CSTPP1: variants seen among roughly 807,000 people sequenced by gnomAD.
CSTPP1 encodes centriolar satellite-associated tubulin polyglutamylase complex regulator 1.
At chr11:47,018,460 A>G in the CSTPP1 span, among the ~76,000 whole-genome samples, 88 of 151,912 alleles carry the variant, frequency 5.8e-4, no homozygotes, top group African/African-American at 2.1e-3. Flanking sequence ...GCGCCTGGCT[A>G]ATTTTTGTAG....
the CSTPP1 span, chr11:47,162,058 C>T: frequency 3.0e-6 from 3 of 990,176 alleles, no homozygotes; most frequent in Non-Finnish European, 3.6e-6. Flanking sequence ...TCAAGGGTGA[C>T]ACCTGCGACG....
At chr11:46,947,928 C>G in the CSTPP1 span, 2 of 328,000 alleles carry the variant, frequency 6.1e-6, no homozygotes, top group Non-Finnish European at 1.2e-5. Flanking sequence ...CCCATTGCCA[C>G]TTTTTTTTTT....
the CSTPP1 span, among the ~76,000 whole-genome samples, chr11:47,145,895 C>T: frequency 1.8e-4 from 27 of 146,248 alleles, no homozygotes; most frequent in Admixed American, 7.3e-4. Flanking sequence ...CTCAGCTTTC[C>T]GTAAATTATT....
chr11:46,958,938 A>G, the CSTPP1 span, among the ~76,000 whole-genome samples: 1 of 152,144 alleles, frequency 6.6e-6, no homozygotes, highest in African/African-American at 2.4e-5. Flanking sequence ...GTGAAGGTGA[A>G]TCTTCTTTAT....
chr11:47,120,099 G>A, the CSTPP1 span, among the ~76,000 whole-genome samples: 1 of 152,150 alleles, frequency 6.6e-6, no homozygotes, highest in Non-Finnish European at 1.5e-5. The surrounding 1 kb of genome is among the most constrained non-coding windows in gnomAD (Gnocchi z 4.2). Flanking sequence ...TTAATTAAAT[G>A]TGGATTCTCA....
At chr11:47,105,241 T>C in the CSTPP1 span, among the ~76,000 whole-genome samples, 2 of 152,142 alleles carry the variant, frequency 1.3e-5, no homozygotes, top group Admixed American at 6.5e-5. Context: ...ATGCCTGTAA[T>C]CCCTACACTT....
chr11:47,003,531 C>T, the CSTPP1 span, among the ~76,000 whole-genome samples: 1 of 152,180 alleles, frequency 6.6e-6, no homozygotes, highest in Non-Finnish European at 1.5e-5. Flanking sequence ...TCATTATAGT[C>T]AGTGACTTCT....
chr11:47,054,902 A>G, the CSTPP1 span, among the ~76,000 whole-genome samples: 2 of 150,626 alleles, frequency 1.3e-5, no homozygotes, highest in Admixed American at 6.6e-5. Flanking sequence ...AAAAGCCTTC[A>G]AGTAATAGCC....
chr11:47,161,376 T>G, the CSTPP1 span: 2 of 1,592,892 alleles, frequency 1.3e-6, no homozygotes, highest in South Asian at 1.1e-5. Flanking sequence ...AGCCCAGGGG[T>G]TTACCCTAGT....
the CSTPP1 span, among the ~76,000 whole-genome samples, chr11:46,962,006 G>A: frequency 1.3e-5 from 2 of 152,300 alleles, no homozygotes; most frequent in South Asian, 4.1e-4. Flanking sequence ...TCACATGATA[G>A]GAGCAAGGAG....
the CSTPP1 span, among the ~76,000 whole-genome samples, chr11:47,086,270 G>A: frequency 2.7e-5 from 4 of 147,526 alleles, no homozygotes; most frequent in Non-Finnish European, 6.0e-5. Flanking sequence ...GCTGGCTGTG[G>A]TAGTACATAC....
At chr11:47,128,527 G>A in the CSTPP1 span, among the ~76,000 whole-genome samples, 4 of 151,940 alleles carry the variant, frequency 2.6e-5, no homozygotes, top group Non-Finnish European at 5.9e-5. Flanking sequence ...GACTACAGGC[G>A]TGTGCCACCA....
the CSTPP1 span, among the ~76,000 whole-genome samples, chr11:47,004,176 T>A: frequency 6.6e-6 from 1 of 151,534 alleles, no homozygotes; most frequent in Non-Finnish European, 1.5e-5. Flanking sequence ...GTTTTTGTTT[T>A]TTTGTTTTTG....
the CSTPP1 span, among the ~76,000 whole-genome samples, chr11:47,071,414 A>G: frequency 6.6e-6 from 1 of 152,318 alleles, no homozygotes; most frequent in South Asian, 2.1e-4. Context: ...ATACTACTTC[A>G]GTGTTGTGAA....
At chr11:46,981,715 A>G in the CSTPP1 span, among the ~76,000 whole-genome samples, 2 of 152,068 alleles carry the variant, frequency 1.3e-5, no homozygotes, top group African/African-American at 4.8e-5. Context: ...AAGCTCTGCC[A>G]TTTATTTAGA....
At chr11:47,018,360 T>C in the CSTPP1 span, among the ~76,000 whole-genome samples, 17 of 145,644 alleles carry the variant, frequency 1.2e-4, no homozygotes, top group African/African-American at 4.3e-4. Flanking sequence ...AGTGGTGCAA[T>C]GTTGGCTCAC....
At chr11:47,052,649 TATAA>T in the CSTPP1 span, 1 of 1,288,078 alleles carries the variant, frequency 7.8e-7, no homozygotes, top group Non-Finnish European at 1.0e-6. Context: ...CTTTTGTTCC[TATAA>T]ATATTGTTTG....
chr11:47,097,571 G>C, the CSTPP1 span, among the ~76,000 whole-genome samples: 3 of 65,334 alleles, frequency 4.6e-5, no homozygotes, highest in Admixed American at 1.4e-4. Flanking sequence ...CGCCCCGTCC[G>C]GGAGGGAGGT....
the CSTPP1 span, among the ~76,000 whole-genome samples, chr11:46,967,570 G>T: frequency 6.6e-6 from 1 of 151,932 alleles, no homozygotes; most frequent in Non-Finnish European, 1.5e-5. Context: ...TCTTGGGCAG[G>T]TTACTTGTCT....
Sources: allele counts gnomAD v4.1 joint callset (sites outside exome capture counted in the v4.1 genomes callset), GRCh38; gene constraint gnomAD v4.1.1; non-coding constraint Gnocchi (gnomAD v3.1); transcripts MANE v1.5; gene names NCBI Gene and HGNC (gene_info 2026-07-23, HGNC 2026-07-21).